The following VWF variants were observed in gnomAD, a reference collection of about 807,000 sequenced individuals.
The protein encoded by VWF is von Willebrand factor.
In VWF, 176 loss-of-function variants were observed where a neutral mutation model predicts 308.6. The ratio of observed to expected loss-of-function variants is 0.57; its 90% CI spans 0.50 to 0.65. VWF has a LOEUF of 0.65. Among genes scored for constraint, VWF ranks in the 30% least tolerant of loss-of-function variants. The probability of loss-of-function intolerance (pLI) is 0.00; values close to 1 mark genes in which losing one functional copy is unlikely to be tolerated. For synonymous variants in VWF, 1,385 were observed against 1,443.4 expected (o/e 0.96, Z 0.92); for missense variants, 3,146 against 3,648.2 (o/e 0.86, Z 3.55).
intron 5 of VWF, among the ~76,000 whole-genome samples, chr12:6,108,096 C>T: frequency 1.3e-5 from 2 of 152,034 alleles, no homozygotes; most frequent in South Asian, 4.2e-4. Context: ...GAGTTCAAGA[C>T]TAGCCTGGCC....
chr12:5,976,122 T>C lies in VWF; in HGVS notation c.7426A>G (p.Ser2476Gly). Reference protein sequence around the residue: ...AQCSQKPCEDSCRSGFTYVLH... With the variant: ...AQCSQKPCEDGCRSGFTYVLH... ...CCTGCCCCACTCACCGACCGACAGC[T>C]GTCCTCACAGGGCTTCTGGGAGCAC... Residue 2476 changes from serine to glycine, a missense_variant, in exon 43 of 52, where the codon AGC (serine) becomes GGC (glycine). Ser to Gly is a moderately conservative substitution (Grantham distance 56). This residue lies in a region of VWF where 989 missense variants were observed against 1,117.4 expected (regional missense o/e 0.89). Coordinates refer to ENST00000261405, the MANE Select transcript of VWF (RefSeq NM_000552.5). The C allele has an allele frequency of 3.1e-6, 5 of 1,613,906 alleles. No individual in the cohort carries two copies. The highest frequency in any genetic ancestry group is 4.2e-6 in the Non-Finnish European group (5 of 1,180,030).
At chr12:6,051,213 T>C (rs1278677154) in intron 16 of VWF, among the ~76,000 whole-genome samples, 3 of 151,930 alleles carry the variant, frequency 2.0e-5, no homozygotes, top group Non-Finnish European at 4.4e-5. Flanking sequence ...AATGGATACG[T>C]TGGGGCTCCT....
Position 6,071,064 on chromosome 12 carries a change from C to T in VWF, c.1156+233G>A, listed in dbSNP as rs943293702. On this transcript the variant is annotated intron_variant, in intron 10 of 51. Coordinates refer to ENST00000261405, the MANE Select transcript of VWF (RefSeq NM_000552.5). ...ATAAGGACAGACAATAACATCTGAA[C>T]GCAGGTGCATTCTCCGCTTTCAGCT... is the stretch of plus-strand genomic sequence containing the variant. Among the ~76,000 whole-genome samples the T allele has an allele frequency of 2.0e-5, 3 of 152,210 alleles. No individual in the cohort carries two copies. The East Asian group carries it at 5.8e-4, about 29-fold the overall frequency.
chr12:6,011,081 G>C (rs1412598600), intron 34 of VWF, among the ~76,000 whole-genome samples: 1 of 152,142 alleles, frequency 6.6e-6, no homozygotes, highest in Non-Finnish European at 1.5e-5. Flanking sequence ...GCTGAGTCAT[G>C]GTCACCATAA....
At chr12:6,090,531 A>T (rs1483633702) in intron 6 of VWF, among the ~76,000 whole-genome samples, 1 of 152,086 alleles carries the variant, frequency 6.6e-6, no homozygotes, top group Non-Finnish European at 1.5e-5. Context: ...GCCGGCTCCC[A>T]TTCTCAAGGC....
At chr12:6,026,420 C>T (rs1250358157) in intron 22 of VWF, among the ~76,000 whole-genome samples, 1 of 152,154 alleles carries the variant, frequency 6.6e-6, no homozygotes, top group Non-Finnish European at 1.5e-5. Flanking sequence ...TACACTGCTC[C>T]ACCAATGGAG....
At chr12:5,985,881 T>C (rs768907776) in intron 38 of VWF, among the ~76,000 whole-genome samples, 1 of 152,184 alleles carries the variant, frequency 6.6e-6, no homozygotes, top group Non-Finnish European at 1.5e-5. Context: ...TAAACTAACA[T>C]GCGGAAATTT....
At chr12:6,011,505 T>C (rs1943993075) in intron 34 of VWF, 112 bp downstream of exon 34, 2 of 881,642 alleles carry the variant, frequency 2.3e-6, no homozygotes, top group African/African-American at 3.3e-5. Context: ...CATGTGGTGA[T>C]GAGGGAAAGG....
intron 28 of VWF, among the ~76,000 whole-genome samples, chr12:6,017,091 A>G (rs776341769): frequency 2.6e-5 from 4 of 152,216 alleles, no homozygotes; most frequent in Non-Finnish European, 4.4e-5. Context: ...ATTTAGAGAC[A>G]CTGAGAAGAC....
At chr12:6,107,947 C>T (rs890400993) in intron 5 of VWF, among the ~76,000 whole-genome samples, 8 of 151,884 alleles carry the variant, frequency 5.3e-5, no homozygotes, top group African/African-American at 1.9e-4. Context: ...CTTGAGCCAC[C>T]GCACCCAGCC....
At chr12:5,979,186 C>A (rs1180036671) in intron 42 of VWF, among the ~76,000 whole-genome samples, 1 of 152,216 alleles carries the variant, frequency 6.6e-6, no homozygotes, top group Non-Finnish European at 1.5e-5. Context: ...AAAAATCAAG[C>A]ACTTATTCTA....
intron 48 of VWF, 36 bp downstream of exon 48, chr12:5,953,460 A>G: frequency 6.3e-7 from 1 of 1,577,186 alleles, no homozygotes; most frequent in South Asian, 1.1e-5. Context: ...CAAGATGGTG[A>G]TATGTGAGGG....
intron 6 of VWF, among the ~76,000 whole-genome samples, chr12:6,087,216 C>T (rs531681611): frequency 2.0e-5 from 3 of 152,030 alleles, no homozygotes; most frequent in East Asian, 1.9e-4. Flanking sequence ...TTCAGGGACA[C>T]GGAAGGACAG....
At position 5,982,067 on chromosome 12, in the gene VWF, C is replaced by G. The variant is rs1472527736; in HGVS notation, c.7082-76G>C. ...AAGTATTCAGCTATGCTATAGGGTGCCAGGGAGCTTTAGACTCAGAAGATT... is the reference window on the plus strand; with the variant it reads ...AAGTATTCAGCTATGCTATAGGGTGGCAGGGAGCTTTAGACTCAGAAGATT... On this transcript the variant is annotated intron_variant, in intron 41 of 51. Transcript: ENST00000261405. 9.1e-6 allele frequency: 13 copies of G among 1,434,452 alleles called. No homozygotes were observed. The Admixed American group carries it at 2.4e-4, about 26-fold the overall frequency. 88.9% of individuals were successfully genotyped at this position (1,434,452 alleles called of 1,614,324 possible). A position where few individuals can be genotyped will look rare whatever the true frequency, so the allele number is the denominator to read the frequency against.
In VWF at chr12:6,069,288, A is replaced by T. The variant is rs529311918; in HGVS notation, c.1156+2009T>A. Among the ~76,000 whole-genome samples the T allele has an allele frequency of 2.0e-5, 3 of 152,138 alleles. No individual in the cohort carries two copies. In the East Asian group the frequency reaches 5.8e-4, roughly 29 times the overall value. On this transcript the variant is annotated intron_variant, in intron 10 of 51. Coordinates refer to ENST00000261405, the MANE Select transcript of VWF (RefSeq NM_000552.5). ...TTCAACTCATCCAAGTTCCCAAAGA[A>T]ACTGAACAGGGATCTGAATACGGGC...
intron 21 of VWF, among the ~76,000 whole-genome samples, chr12:6,030,265 C>T (rs538480884): frequency 1.3e-5 from 2 of 152,340 alleles, no homozygotes; most frequent in South Asian, 4.1e-4. Context: ...TCCTGTTCAG[C>T]ATCATCACCG....
chr12:6,079,735 T>C (rs1465851607), intron 6 of VWF, among the ~76,000 whole-genome samples: 2 of 152,156 alleles, frequency 1.3e-5, no homozygotes, highest in Non-Finnish European at 2.9e-5. Context: ...GTGTGGCCTC[T>C]GGGTCTCCAG....
At chr12:6,008,923 T>C (rs912207656) in intron 34 of VWF, among the ~76,000 whole-genome samples, 2 of 152,136 alleles carry the variant, frequency 1.3e-5, no homozygotes, top group Non-Finnish European at 2.9e-5. Context: ...CCTTATATCA[T>C]ACACAAAGTT....
At position 5,983,151 on chromosome 12, in the gene VWF, G is replaced by A. The variant is rs111597150; in HGVS notation, c.7080C>T (p.Cys2360=). The change falls in exon 41 of 52, where the codon TGC becomes TGT. Residue 2360 remains cysteine, a splice_region_variant and synonymous_variant. Coordinates refer to ENST00000261405, the MANE Select transcript of VWF (RefSeq NM_000552.5). The part of the protein sequence containing the change: ...NPGECRPNFT[C]ACRKEECKRV... ...CCTCCTCATCCACAGAGGCCTTACC[G>A]CAGGTGAAGTTGGGTCTGCACTCGC... is the stretch of plus-strand genomic sequence containing the variant. The A allele has an allele frequency of 1.6e-4, 260 of 1,613,396 alleles. 2 individuals carry two copies. The African/African-American group carries it at 2.3e-3, about 15-fold the overall frequency.
Sources: allele counts gnomAD v4.1 joint callset (sites outside exome capture counted in the v4.1 genomes callset), GRCh38; gene constraint gnomAD v4.1.1; regional missense constraint gnomAD v4.1.1; transcripts MANE v1.5; gene names NCBI Gene and HGNC (gene_info 2026-07-23, HGNC 2026-07-21).